COL26A1: variants seen among roughly 807,000 people sequenced by gnomAD.
COL26A1 encodes the protein collagen type XXVI alpha 1 chain.
Under a neutral mutation model 59.3 loss-of-function variants are expected in COL26A1, and 41 were observed. That is an observed-to-expected ratio of 0.69 (90% CI 0.54 to 0.90). The LOEUF is 0.90. Among genes scored for constraint, COL26A1 ranks in the 40% least tolerant of loss-of-function variants. COL26A1 has a pLI of 0.00. For missense variants in COL26A1, 612 were observed against 602.3 expected, an observed-to-expected ratio of 1.02 and a Z score of -0.17; for synonymous variants, 266 against 256.0, an observed-to-expected ratio of 1.04 and a Z score of -0.37.
In COL26A1 at chr7:101,375,803, C is replaced by T. The variant is rs533447987; in HGVS notation, c.158+12613C>T. On this transcript the variant is annotated intron_variant, in intron 1 of 12. Coordinates refer to ENST00000313669, the MANE Select transcript of COL26A1 (RefSeq NM_001278563.3). The stretch of plus-strand genomic sequence containing the variant: ...GAGATCCAGACCATCCTGGCTAACA[C>T]GGTGAAACCCTGTCTCTACTAAAAA... Among the ~76,000 whole-genome samples, 529 of 150,862 alleles carry T rather than the reference C, an allele frequency of 3.5e-3. 2 individuals carry two copies. The highest frequency in any genetic ancestry group is 6.0e-3 in the Non-Finnish European group (407 of 67,782).
At chr7:101,368,630 C>A (rs897526508) in intron 1 of COL26A1, among the ~76,000 whole-genome samples, 1 of 151,552 alleles carries the variant, frequency 6.6e-6, no homozygotes, top group Non-Finnish European at 1.5e-5. Flanking sequence ...GGGTTGTTGC[C>A]ATGGAAAGGC....
intron 2 of COL26A1, among the ~76,000 whole-genome samples, chr7:101,438,910 C>G (rs949361454): frequency 1.4e-5 from 2 of 143,682 alleles, no homozygotes; most frequent in African/African-American, 4.9e-5. Context: ...TCTCGAACTC[C>G]AAGACGATCC....
At chr7:101,446,974 A>G (rs1793212895) in intron 2 of COL26A1, among the ~76,000 whole-genome samples, 1 of 151,934 alleles carries the variant, frequency 6.6e-6, no homozygotes, top group Admixed American at 6.6e-5. Flanking sequence ...TTTTAAAGAC[A>G]ATTTGGTGGG....
intron 3 of COL26A1, among the ~76,000 whole-genome samples, chr7:101,519,323 C>T (rs1489284840): frequency 1.3e-5 from 2 of 152,164 alleles, no homozygotes; most frequent in Non-Finnish European, 2.9e-5. Flanking sequence ...TTTAGTTTTT[C>T]CCCTAGAGAC....
intron 1 of COL26A1, among the ~76,000 whole-genome samples, chr7:101,378,684 C>T (rs939816640): frequency 1.3e-5 from 2 of 152,054 alleles, no homozygotes; most frequent in Admixed American, 1.3e-4. Flanking sequence ...TGTTTGCACT[C>T]ATGACTGAGT....
At chr7:101,543,898 C>T in intron 5 of COL26A1, 100 bp from the exon 6 acceptor site, 2 of 779,166 alleles carry the variant, frequency 2.6e-6, no homozygotes, top group East Asian at 2.7e-5. Flanking sequence ...AGGCAGGGCT[C>T]CTGGGGGAAC....
intron 2 of COL26A1, among the ~76,000 whole-genome samples, chr7:101,440,910 G>C (rs116540468): frequency 0.017 from 2,496 of 150,922 alleles, 75 homozygotes; most frequent in African/African-American, 0.056. Context: ...CCGGGACACA[G>C]AAGTTGCAGT....
At chr7:101,507,461 G>A (rs1343798876) in intron 3 of COL26A1, among the ~76,000 whole-genome samples, 1 of 151,340 alleles carries the variant, frequency 6.6e-6, no homozygotes, top group African/African-American at 2.4e-5. Flanking sequence ...TTACCCTGTT[G>A]CCCTGGCTGG....
At chr7:101,527,101 G>C (rs60413239) in intron 3 of COL26A1, among the ~76,000 whole-genome samples, 29,189 of 151,892 alleles carry the variant, frequency 0.19, 2,947 homozygotes, top group Middle Eastern at 0.29. Context: ...CTCCTGAGTA[G>C]CTAGGATTAC....
intron 5 of COL26A1, among the ~76,000 whole-genome samples, chr7:101,540,720 T>G (rs1310860309): frequency 6.6e-6 from 1 of 151,848 alleles, no homozygotes; most frequent in Non-Finnish European, 1.5e-5. Flanking sequence ...CCAGCATGAT[T>G]AATCCCAGCT....
At chr7:101,425,653 C>T (rs1255785389) in intron 2 of COL26A1, among the ~76,000 whole-genome samples, 1 of 126,288 alleles carries the variant, frequency 7.9e-6, no homozygotes, top group Non-Finnish European at 1.8e-5. Context: ...TGCATCAGGA[C>T]ACCTGGCTAA....
At chr7:101,538,571 G>A (rs2130650860) in intron 4 of COL26A1, among the ~76,000 whole-genome samples, 1 of 152,330 alleles carries the variant, frequency 6.6e-6, no homozygotes, top group East Asian at 1.9e-4. Flanking sequence ...AATTGGCTCT[G>A]GGGGGTTAAG....
At position 101,471,549 on chromosome 7, in the gene COL26A1, TTTG is replaced by T. The variant is rs1192040668; in HGVS notation, c.385+23780_385+23782del. 6.0e-4 allele frequency among the ~76,000 whole-genome samples: 91 copies of T among 151,292 alleles called. 1 individual carries two copies. In the South Asian group the frequency reaches 0.013, roughly 22 times the overall value. On this transcript the variant is annotated intron_variant, in intron 3 of 12. Coordinates refer to ENST00000313669, the MANE Select transcript of COL26A1 (RefSeq NM_001278563.3). ...AGAATAACAGAGCTAAGAATAATGT[TTTG>T]TTGTTGTTGTTGTTGTTTGTTTTTT...
chr7:101,557,329 T>C (rs750904054), intron 12 of COL26A1, 41 bp from the exon 13 acceptor site: 2 of 1,582,414 alleles, frequency 1.3e-6, no homozygotes, highest in East Asian at 2.3e-5. Context: ...CAAGTGTTCC[T>C]AAGGCTCTAC....
At chr7:101,523,765 G>A (rs1344443332) in intron 3 of COL26A1, among the ~76,000 whole-genome samples, 1 of 151,970 alleles carries the variant, frequency 6.6e-6, no homozygotes, top group Non-Finnish European at 1.5e-5. Context: ...TTTGTAACAA[G>A]GTCTCAATTC....
intron 2 of COL26A1, among the ~76,000 whole-genome samples, chr7:101,444,154 A>G (rs1186237897): frequency 6.6e-6 from 1 of 152,022 alleles, no homozygotes; most frequent in Non-Finnish European, 1.5e-5. Flanking sequence ...CTAGGACTAC[A>G]GGTGTAACCC....
chr7:101,434,096 CTTTCTGCTTTCTTTCTTTTTCTTT>C (rs1792850735), intron 2 of COL26A1, among the ~76,000 whole-genome samples: 2 of 107,454 alleles, frequency 1.9e-5, no homozygotes, highest in Non-Finnish European at 1.8e-5. Context: ...CTCCCTCTTT[CTTTCTGCTTTCTTTCTTTTTCTTT>C]CTTTCTTTCT....
intron 3 of COL26A1, among the ~76,000 whole-genome samples, chr7:101,492,548 T>C (rs969591370): frequency 4.0e-5 from 6 of 150,898 alleles, no homozygotes; most frequent in Non-Finnish European, 7.4e-5. Flanking sequence ...AATACAAAAA[T>C]TAGCTGGGTG....
intron 2 of COL26A1, 26 bp from the exon 3 acceptor site, chr7:101,447,658 C>T (rs895420000): frequency 7.5e-6 from 11 of 1,462,200 alleles, no homozygotes; most frequent in South Asian, 1.2e-5. Flanking sequence ...GGAGCTCATG[C>T]CCCCCTGACG....
Sources: allele counts gnomAD v4.1 joint callset (sites outside exome capture counted in the v4.1 genomes callset), GRCh38; gene constraint gnomAD v4.1.1; transcripts MANE v1.5; gene names NCBI Gene and HGNC (gene_info 2026-07-23, HGNC 2026-07-21).